ROR1: variants seen among roughly 807,000 people sequenced by gnomAD.
ROR1 encodes the protein inactive tyrosine-protein kinase transmembrane receptor ROR1.
In ROR1, 19 loss-of-function variants were observed where a neutral mutation model predicts 78.8. The observed-to-expected ratio is 0.24, with a 90% CI of 0.17 to 0.35. The LOEUF is 0.35. Ranked by LOEUF, ROR1 falls within the 10% of genes least tolerant of loss-of-function variation. The pLI, the probability that ROR1 is intolerant of heterozygous loss-of-function variation, is 1.00. For missense variants in ROR1, 917 were observed against 1,177.8 expected, an observed-to-expected ratio of 0.78 and a Z score of 3.24; for synonymous variants, 386 against 433.6, an observed-to-expected ratio of 0.89 and a Z score of 1.36.
At chr1:64,153,930 A>G (rs1649699765) in intron 7 of ROR1, among the ~76,000 whole-genome samples, 1 of 152,240 alleles carries the variant, frequency 6.6e-6, no homozygotes, top group Admixed American at 6.5e-5. Flanking sequence ...TTAATTATTA[A>G]AAAAGATTAG....
chr1:64,060,980 T>C (rs1265966771), intron 4 of ROR1, among the ~76,000 whole-genome samples: 1 of 152,190 alleles, frequency 6.6e-6, no homozygotes, highest in Non-Finnish European at 1.5e-5. Context: ...GCAGGGTACA[T>C]TTAAAGGGAG....
At chr1:63,970,957 G>A (rs1419858888) in intron 1 of ROR1, among the ~76,000 whole-genome samples, 1 of 152,142 alleles carries the variant, frequency 6.6e-6, no homozygotes, top group African/African-American at 2.4e-5. Flanking sequence ...ATGTTTCTCT[G>A]GTTGTCAAAA....
intron 1 of ROR1, among the ~76,000 whole-genome samples, chr1:63,887,029 A>G (rs1645361984): frequency 1.3e-5 from 2 of 152,226 alleles, no homozygotes; most frequent in Admixed American, 1.3e-4. Context: ...TTCAAGGTGC[A>G]GGATTGACAG....
intron 1 of ROR1, among the ~76,000 whole-genome samples, chr1:63,888,395 G>T (rs1235475036): frequency 6.6e-6 from 1 of 152,074 alleles, no homozygotes; most frequent in Admixed American, 6.6e-5. Context: ...TGGGAGGACT[G>T]CTTGAGCCCA....
At position 63,953,447 on chromosome 1, in the gene ROR1, G is replaced by A. The variant is rs148288195; in HGVS notation, c.92-55858G>A. On this transcript the variant is annotated intron_variant, in intron 1 of 8. Transcript: ENST00000371079. The stretch of plus-strand genomic sequence containing the variant: ...GATAGGACAATTATATTAATATACC[G>A]TAATAAAAGTCGTGTGAATACAGTC... 1.8e-3 allele frequency among the ~76,000 whole-genome samples: 271 copies of A among 152,240 alleles called. 2 individuals carry two copies. Among genetic ancestry groups the A allele is most frequent in the Middle Eastern group, 6.8e-3 (2 of 294 alleles).
intron 1 of ROR1, among the ~76,000 whole-genome samples, chr1:63,960,724 C>A (rs1646020986): frequency 6.6e-6 from 1 of 152,212 alleles, no homozygotes; most frequent in Non-Finnish European, 1.5e-5. Flanking sequence ...TTTGAACTCT[C>A]AGCCTTTCCA....
chr1:63,893,450 T>C lies in ROR1; in HGVS notation c.92-115855T>C, dbSNP rs191860182. On this transcript the variant is annotated intron_variant, in intron 1 of 8. Coordinates refer to ENST00000371079, the MANE Select transcript of ROR1 (RefSeq NM_005012.4). ...AATTCATTAAATTTGGCCTTGAAGA[T>C]GGTTATTTACTTGTTTGCTGTGCTT... Among the ~76,000 whole-genome samples the C allele has an allele frequency of 2.3e-3, 345 of 152,240 alleles. 2 individuals are homozygous for C. Among genetic ancestry groups the C allele is most frequent in the African/African-American group, 8.1e-3 (337 of 41,558 alleles).
chr1:63,896,876 ACTCT>A (rs778753423), intron 1 of ROR1, among the ~76,000 whole-genome samples: 1 of 151,986 alleles, frequency 6.6e-6, no homozygotes, highest in Non-Finnish European at 1.5e-5. Context: ...TCGAGTTCTG[ACTCT>A]CTATTAATTA....
chr1:64,113,708 A>T (rs958926378), intron 4 of ROR1: 5 of 151,610 alleles, frequency 3.3e-5, no homozygotes, highest in South Asian at 2.1e-4. Context: ...GGCTTCAAAG[A>T]CCCTCATTTG....
intron 2 of ROR1, among the ~76,000 whole-genome samples, chr1:64,027,008 C>T (rs562026775): frequency 3.9e-5 from 6 of 152,314 alleles, no homozygotes; most frequent in East Asian, 1.9e-4. Context: ...TGTTATGAAA[C>T]TTATTGTTAC....
In ROR1 at chr1:63,995,353, T is replaced by C. The variant is rs542696767; in HGVS notation, c.92-13952T>C. Reference sequence around the variant, plus strand: ...TGAGAATATCATTCTTCCCGGATCATTGTTTGAAAGAGACCTCCTGTACTT... The same window carrying C: ...TGAGAATATCATTCTTCCCGGATCACTGTTTGAAAGAGACCTCCTGTACTT... On this transcript the variant is annotated intron_variant, in intron 1 of 8. Coordinates refer to ENST00000371079, the MANE Select transcript of ROR1 (RefSeq NM_005012.4). Among the ~76,000 whole-genome samples, 4 of 152,290 alleles carry C rather than the reference T, an allele frequency of 2.6e-5. No homozygotes were observed. In the East Asian group the frequency reaches 7.7e-4, roughly 29 times the overall value.
At position 64,178,910 on chromosome 1, in the gene ROR1, A is replaced by C; in HGVS notation, c.*55A>C. 6 of 1,312,718 alleles carry C rather than the reference A, an allele frequency of 4.6e-6. No homozygotes were observed. Among genetic ancestry groups the C allele is most frequent in the Non-Finnish European group, 6.3e-6 (6 of 945,836 alleles). The allele number at this position is 1,312,718 out of a possible 1,614,324, so 81.3% of individuals were successfully genotyped here. On this transcript the variant is annotated 3_prime_UTR_variant, in exon 9 of 9. Transcript: ENST00000371079. The surrounding 1 kb of genome is among the most constrained non-coding windows in gnomAD (Gnocchi z 4.3). ...AGGACAAACTAGACGGCCGTAGAAAAGATTTATATTCAAATGTTTTTATTA... is the reference window on the plus strand; with the variant it reads ...AGGACAAACTAGACGGCCGTAGAAACGATTTATATTCAAATGTTTTTATTA...
chr1:64,067,348 C>CA (rs1051420849), intron 4 of ROR1, among the ~76,000 whole-genome samples: 4 of 128,968 alleles, frequency 3.1e-5, no homozygotes, highest in African/African-American at 5.9e-5. Context: ...CCCTGTCTCA[C>CA]AAAAAAATAA....
chr1:63,924,936 T>A, intron 1 of ROR1, among the ~76,000 whole-genome samples: 1 of 139,198 alleles, frequency 7.2e-6, no homozygotes, highest in Admixed American at 6.8e-5. Context: ...GGGATGCTTT[T>A]TTTTTTTTTT....
chr1:64,173,052 G>C (rs1233484573), intron 8 of ROR1, among the ~76,000 whole-genome samples: 1 of 152,136 alleles, frequency 6.6e-6, no homozygotes. Context: ...TGAGTCTATA[G>C]TTAGGATTCA....
At chr1:63,942,088 G>T (rs1645845623) in intron 1 of ROR1, among the ~76,000 whole-genome samples, 1 of 152,194 alleles carries the variant, frequency 6.6e-6, no homozygotes. Flanking sequence ...CCTGTGCCCA[G>T]CACCCTGCCT....
At chr1:64,143,485 T>C in intron 7 of ROR1, 2 of 867,080 alleles carry the variant, frequency 2.3e-6, no homozygotes, top group Non-Finnish European at 2.8e-6. Flanking sequence ...TTCCCAGGCA[T>C]AGTGGGAGAG....
In ROR1 at chr1:64,078,383, T is replaced by C. The variant is rs1206967769; in HGVS notation, c.482+27667T>C. The stretch of plus-strand genomic sequence containing the variant: ...TGGTATGTGTGGAGCAAAGGGAATA[T>C]GCAGGGCCTCGTGTGAGAATAGTGA... On this transcript the variant is annotated intron_variant, in intron 4 of 8. Transcript: ENST00000371079. 4.6e-5 allele frequency among the ~76,000 whole-genome samples: 7 copies of C among 152,302 alleles called. No homozygotes were observed. In the East Asian group the frequency reaches 5.8e-4, roughly 13 times the overall value.
At chr1:63,964,964 T>C (rs1646061469) in intron 1 of ROR1, among the ~76,000 whole-genome samples, 1 of 152,218 alleles carries the variant, frequency 6.6e-6, no homozygotes, top group Admixed American at 6.5e-5. Context: ...AGAGTTTGCT[T>C]AGGTGTGAAG....
Sources: allele counts gnomAD v4.1 joint callset (sites outside exome capture counted in the v4.1 genomes callset), GRCh38; gene constraint gnomAD v4.1.1; non-coding constraint Gnocchi (gnomAD v3.1); transcripts MANE v1.5; gene names NCBI Gene and HGNC (gene_info 2026-07-23, HGNC 2026-07-21).